ZCCHC14: variants seen among roughly 807,000 people sequenced by gnomAD.
ZCCHC14 encodes the protein zinc finger CCHC domain-containing protein 14.
In ZCCHC14, 16 loss-of-function variants were observed where a neutral mutation model predicts 85.0. That is an observed-to-expected ratio of 0.19 (90% confidence interval 0.13 to 0.29). The LOEUF (loss-of-function observed/expected upper bound fraction) is 0.29. Ranked by LOEUF, ZCCHC14 falls within the 10% of genes least tolerant of loss-of-function variation. The pLI is 1.00. For missense variants in ZCCHC14, 1,303 were observed against 1,443.5 expected (o/e 0.90, Z 1.58); for synonymous variants, 775 against 630.7 (o/e 1.23, Z -3.43).
Position 87,491,229 on chromosome 16 carries a change from A to C in ZCCHC14, c.570+440T>G, listed in dbSNP as rs1309215476. 6.6e-6 allele frequency among the ~76,000 whole-genome samples: 1 copy of C among 152,258 alleles called. No individual in the cohort carries two copies. The highest frequency in any genetic ancestry group is 2.4e-5 in the African/African-American group (1 of 41,474). Reference sequence around the variant, plus strand: ...ACCGCTCCCGCGGATCCTCGGACCCAGGGCCCCTGCAGCCGCTCCTGCCCA... The same window carrying C: ...ACCGCTCCCGCGGATCCTCGGACCCCGGGCCCCTGCAGCCGCTCCTGCCCA... On this transcript the variant is annotated intron_variant, in intron 1 of 12. Transcript: ENST00000671377. The surrounding 1 kb of genome is among the most constrained non-coding windows in gnomAD (Gnocchi z 5.9).
intron 3 of ZCCHC14, among the ~76,000 whole-genome samples, chr16:87,429,808 T>C (rs1053311615): frequency 2.6e-5 from 4 of 152,356 alleles, no homozygotes; most frequent in African/African-American, 9.6e-5. Context: ...GGTTTTGCCA[T>C]CTTGGCTAGG....
chr16:87,414,255 A>C (rs965229395), intron 10 of ZCCHC14, among the ~76,000 whole-genome samples, 159 bp downstream of exon 10: 5 of 150,628 alleles, frequency 3.3e-5, no homozygotes, highest in African/African-American at 1.2e-4. Flanking sequence ...CTCTCTGTGT[A>C]CGAGTAACCC....
At chr16:87,485,221 T>C (rs1912461505) in intron 1 of ZCCHC14, among the ~76,000 whole-genome samples, 1 of 152,218 alleles carries the variant, frequency 6.6e-6, no homozygotes, top group African/African-American at 2.4e-5. Flanking sequence ...GACACACGGC[T>C]GCTAGAAGAG....
In ZCCHC14 at chr16:87,417,621, C is replaced by T. The variant is rs1316302105; in HGVS notation, c.1222G>A (p.Ala408Thr). The part of the protein sequence containing the change: ...HCSHAGSAGS[A>T]LAYRTQMDTS... Reference sequence around the variant, plus strand: ...TCCATCTGGGTCCGGTAGGCCAGGGCTGAGCCCGCGCTGCCCGCATGGGAG... The same window carrying T: ...TCCATCTGGGTCCGGTAGGCCAGGGTTGAGCCCGCGCTGCCCGCATGGGAG... The change falls in exon 8 of 13, where the codon GCC becomes ACC. Residue 408 changes from alanine to threonine, a missense_variant. Ala to Thr is a moderately conservative substitution (Grantham distance 58). Around this residue, in one of 7 missense-constraint regions of ZCCHC14, gnomAD observed 389 missense variants for 397.8 expected, o/e 0.98. Coordinates refer to ENST00000671377, the MANE Select transcript of ZCCHC14 (RefSeq NM_015144.3). 1 of 1,614,044 alleles carries T rather than the reference C, an allele frequency of 6.2e-7. No homozygotes were observed. The highest frequency in any genetic ancestry group is 8.5e-7 in the Non-Finnish European group (1 of 1,180,032).
chr16:87,491,720 C>T lies in ZCCHC14; in HGVS notation c.519G>A (p.Lys173=). The change falls in exon 1 of 13, where the codon AAG becomes AAA. Residue 173 remains lysine, a synonymous_variant. Transcript: ENST00000671377. This position sits in a 1 kb window ranked among gnomAD's most constrained non-coding sequence, Gnocchi z 5.9. ...GCGCGCCGCCCGGCCCGGGCGCGCC[C>T]TTGCCGCCGTGGCCCCCGCCGCCGT... is the stretch of plus-strand genomic sequence containing the variant. ...SLNGGGGHGG[K]GAPGPGGALP... The T allele has an allele frequency of 1.3e-6, 2 of 1,553,128 alleles. No homozygotes were observed. Among genetic ancestry groups the T allele is most frequent in the Non-Finnish European group, 8.6e-7 (1 of 1,156,138 alleles).
intron 7 of ZCCHC14, 46 bp downstream of exon 7, chr16:87,418,801 T>C (rs1908933233): frequency 6.3e-7 from 1 of 1,575,706 alleles, no homozygotes; most frequent in African/African-American, 1.3e-5. Flanking sequence ...GTAAACATTG[T>C]AAAATGCTTA....
intron 1 of ZCCHC14, among the ~76,000 whole-genome samples, chr16:87,461,032 GA>G (rs747528879): frequency 1.2e-4 from 18 of 152,234 alleles, no homozygotes; most frequent in Non-Finnish European, 2.5e-4. Flanking sequence ...CTGTGACAGG[GA>G]AAGCGGGGCA....
intron 12 of ZCCHC14, among the ~76,000 whole-genome samples, chr16:87,411,253 G>C (rs374190354): frequency 6.6e-6 from 1 of 152,186 alleles, no homozygotes; most frequent in African/African-American, 2.4e-5. Flanking sequence ...ATCAGGACAC[G>C]GCAGTCCAGG....
chr16:87,408,177 G>A lies in ZCCHC14; in HGVS notation c.*2103C>T, dbSNP rs1373541273. 1.3e-5 allele frequency: 2 copies of A among 152,618 alleles called. No individual in the cohort carries two copies. The highest frequency in any genetic ancestry group is 4.8e-5 in the African/African-American group (2 of 41,448). The allele number at this position is 152,618 out of a possible 1,614,324, so 9.5% of individuals were successfully genotyped here. On this transcript the variant is annotated 3_prime_UTR_variant, in exon 13 of 13. Transcript: ENST00000671377. ...AATACTTATCAAAATAGTTACGTGG[G>A]TAACAACAGACGCTTTCATTCCCCT...
Position 87,410,343 on chromosome 16 carries a change from G to A in ZCCHC14, c.3206-8C>T. ...ATTTCAACCTAAAAGTACCTAGAGA[G>A]AGGGGAAAAAAGAGGTCAAATTTGA... On this transcript the variant is annotated splice_region_variant and splice_polypyrimidine_tract_variant and intron_variant, in intron 12 of 12. Transcript: ENST00000671377. 1.3e-6 allele frequency: 1 copy of A among 773,848 alleles called. No individual in the cohort carries two copies. Among genetic ancestry groups the A allele is most frequent in the Non-Finnish European group, 2.4e-6 (1 of 415,592 alleles). The allele number at this position is 773,848 out of a possible 1,614,324, so 47.9% of individuals were successfully genotyped here. A position where few individuals can be genotyped will look rare whatever the true frequency, so the allele number is the denominator to read the frequency against.
chr16:87,427,617 T>C (rs1178945689), intron 3 of ZCCHC14, among the ~76,000 whole-genome samples: 3 of 151,596 alleles, frequency 2.0e-5, no homozygotes, highest in African/African-American at 7.3e-5. Flanking sequence ...TTAATAAGAG[T>C]TGTTTATTAG....
At position 87,408,539 on chromosome 16, in the gene ZCCHC14, T is replaced by C. The variant is rs370805057; in HGVS notation, c.*1741A>G. ...GAGATCAACGTAACATTCCCCTAAA[T>C]AGCTGTTGTAATAAGCATCACCATT... On this transcript the variant is annotated 3_prime_UTR_variant, in exon 13 of 13. Coordinates refer to ENST00000671377, the MANE Select transcript of ZCCHC14 (RefSeq NM_015144.3). The C allele has an allele frequency of 1.3e-5, 2 of 152,724 alleles. No homozygotes were observed. The highest frequency in any genetic ancestry group is 2.4e-5 in the African/African-American group (1 of 41,582). The allele number at this position is 152,724 out of a possible 1,614,324, so 9.5% of individuals were successfully genotyped here.
At chr16:87,411,373 A>G (rs777685638) in intron 12 of ZCCHC14, 143 bp downstream of exon 12, 13 of 1,510,624 alleles carry the variant, frequency 8.6e-6, no homozygotes, top group Admixed American at 4.4e-5. Context: ...ACGGCCTATC[A>G]TGAAGATTTC....
At chr16:87,444,040 A>G (rs1910315191) in intron 2 of ZCCHC14, among the ~76,000 whole-genome samples, 1 of 66,510 alleles carries the variant, frequency 1.5e-5, no homozygotes, top group Non-Finnish European at 6.1e-5. Context: ...CTATCACAGA[A>G]AAAAAAAAAA....
At chr16:87,480,319 C>T (rs961587093) in intron 1 of ZCCHC14, among the ~76,000 whole-genome samples, 11 of 152,028 alleles carry the variant, frequency 7.2e-5, no homozygotes, top group African/African-American at 1.4e-4. Flanking sequence ...AGGAGAATGG[C>T]GTGAACCCGG....
chr16:87,439,134 GTTC>G (rs920459623), intron 2 of ZCCHC14, among the ~76,000 whole-genome samples: 5 of 138,974 alleles, frequency 3.6e-5, no homozygotes, highest in African/African-American at 1.2e-4. Flanking sequence ...CCTCATACAA[GTTC>G]TTTTTTTTTT....
chr16:87,411,983 G>A lies in ZCCHC14; in HGVS notation c.2738C>T (p.Pro913Leu), dbSNP rs762105822. 27 of 1,607,842 alleles carry A rather than the reference G, an allele frequency of 1.7e-5. No homozygotes were observed. Among genetic ancestry groups the A allele is most frequent in the Non-Finnish European group, 2.1e-5 (25 of 1,178,912 alleles). ...HHHHQQPPAP[P>L]QPAPPPPGCI... ...GCCTGGCGGGGGTGGGGCGGGCTGC[G>A]GGGGTGCCGGGGGCTGCTGATGGTG... is the stretch of plus-strand genomic sequence containing the variant. Residue 913 changes from proline (P) to leucine (L), a missense_variant, in exon 12 of 13, where the codon CCG (proline) becomes CTG (leucine). Coordinates refer to ENST00000671377, the MANE Select transcript of ZCCHC14 (RefSeq NM_015144.3).
intron 2 of ZCCHC14, 41 bp downstream of exon 2, chr16:87,459,967 C>T (rs369696383): frequency 4.0e-5 from 64 of 1,613,122 alleles, no homozygotes; most frequent in Non-Finnish European, 4.6e-5. Context: ...GCCCATCCTC[C>T]GTCCGTCAGA....
At chr16:87,469,499 A>T (rs537829121) in intron 1 of ZCCHC14, among the ~76,000 whole-genome samples, 1 of 152,352 alleles carries the variant, frequency 6.6e-6, no homozygotes, top group East Asian at 1.9e-4. Flanking sequence ...CTCGGCGGCC[A>T]GTGCTGGGTC....
Sources: gnomAD v4.1 joint callset for allele counts (sites outside exome capture counted in the v4.1 genomes callset) on GRCh38, gnomAD v4.1.1 for gene constraint, gnomAD v4.1.1 regional missense constraint, Gnocchi (gnomAD v3.1) non-coding constraint, MANE v1.5 for transcripts, NCBI Gene and HGNC (gene_info 2026-07-23, HGNC 2026-07-21) for gene names.